Variants in TRIM29 observed in about 807,000 individuals in gnomAD.
TRIM29 encodes the protein tripartite motif-containing protein 29.
Under a neutral mutation model 57.3 loss-of-function variants are expected in TRIM29, and 52 were observed. The observed-to-expected ratio is 0.91, with a 90% confidence interval of 0.73 to 1.14. The LOEUF (loss-of-function observed/expected upper bound fraction) is 1.14. Among genes scored for constraint, TRIM29 ranks in the 50% most tolerant of loss-of-function variants. TRIM29 has a pLI of 0.00. For synonymous variants in TRIM29, 319 were observed against 316.9 expected (o/e 1.01, Z -0.07); for missense variants, 753 against 774.6 (o/e 0.97, Z 0.33).
intron 6 of TRIM29, among the ~76,000 whole-genome samples, chr11:120,119,407 G>A (rs1863375020): frequency 6.6e-6 from 1 of 152,166 alleles, no homozygotes; most frequent in African/African-American, 2.4e-5. Context: ...ACCTGCCCCT[G>A]TGCAAAGCCC....
Position 120,137,838 on chromosome 11 carries a change from C to T in TRIM29, c.194G>A (p.Gly65Asp). ...ATTGCCCGCGAACAGGGCGCTCCTA[C>T]CTTCCCCTGGCTTCAGGGCGCTGCC... ...SLGSALKPGE[G>D]RSALFAGNEW... Residue 65 changes from glycine (G) to aspartate (D), a missense_variant, in exon 1 of 9, where the codon GGT (glycine) becomes GAT (aspartate). Gly to Asp is a moderately conservative substitution (Grantham distance 94). Transcript: ENST00000341846. This position sits in a 1 kb window ranked among gnomAD's most constrained non-coding sequence, Gnocchi z 6.2. 1 of 1,612,490 alleles carries T rather than the reference C, an allele frequency of 6.2e-7. No individual in the cohort carries two copies. Among genetic ancestry groups the T allele is most frequent in the Non-Finnish European group, 8.5e-7 (1 of 1,180,030 alleles).
At chr11:120,129,279 T>C (rs1863670080) in intron 1 of TRIM29, among the ~76,000 whole-genome samples, 1 of 152,152 alleles carries the variant, frequency 6.6e-6, no homozygotes, top group Non-Finnish European at 1.5e-5. Flanking sequence ...TGCCCTTCTC[T>C]GAAAAGCAGC....
At position 120,137,021 on chromosome 11, in the gene TRIM29, T is replaced by C. The variant is rs1379258453; in HGVS notation, c.804+207A>G. 6.6e-6 allele frequency among the ~76,000 whole-genome samples: 1 copy of C among 152,140 alleles called. No individual in the cohort carries two copies. The highest frequency in any genetic ancestry group is 1.5e-5 in the Non-Finnish European group (1 of 68,020). On this transcript the variant is annotated intron_variant, in intron 1 of 8. Coordinates refer to ENST00000341846, the MANE Select transcript of TRIM29 (RefSeq NM_012101.4). The surrounding 1 kb of genome is among the most constrained non-coding windows in gnomAD (Gnocchi z 6.2). ...GAAAATGTCCCTGTCTCCTGAGACC[T>C]TAGGGGATTGGGGAGCAACCTCTGA... is the stretch of plus-strand genomic sequence containing the variant.
intron 7 of TRIM29, 104 bp from the exon 8 acceptor site, chr11:120,115,518 C>G: frequency 1.0e-6 from 1 of 969,260 alleles, no homozygotes; most frequent in Non-Finnish European, 1.5e-6. Flanking sequence ...CACCAAGCAT[C>G]ATCCAGCCCA....
Position 120,137,240 on chromosome 11 carries a change from C to T in TRIM29, c.792G>A (p.Lys264=), listed in dbSNP as rs1863837473. 6.2e-7 allele frequency: 1 copy of T among 1,614,158 alleles called. No homozygotes were observed. ...NHSTVTVEEA[K]AEKETELSLQ... is the part of the protein sequence containing the mutation. The stretch of plus-strand genomic sequence containing the variant: ...CCCCAGCACTTACCTCCTTCTCGGC[C>T]TTGGCCTCCTCCACTGTCACGGTGC... Residue 264 remains lysine, a synonymous_variant, in exon 1 of 9, where the codon AAG becomes AAA. Coordinates refer to ENST00000341846, the MANE Select transcript of TRIM29 (RefSeq NM_012101.4). The surrounding 1 kb of genome is among the most constrained non-coding windows in gnomAD (Gnocchi z 6.2).
At chr11:120,123,633 C>T (rs1372226049) in intron 4 of TRIM29, among the ~76,000 whole-genome samples, 2 of 152,212 alleles carry the variant, frequency 1.3e-5, no homozygotes, top group Admixed American at 6.5e-5. Flanking sequence ...CTGCAGACCC[C>T]CTAACTCAAA....
chr11:120,123,293 G>A (rs748136550), intron 4 of TRIM29: 7 of 675,450 alleles, frequency 1.0e-5, no homozygotes, highest in Non-Finnish European at 1.6e-5. Context: ...CTAAGCCCTT[G>A]TAAATACGAT....
In TRIM29 at chr11:120,120,650, G is replaced by C; in HGVS notation, c.1451C>G (p.Ser484Ter). ...GCGGCCAGGAGACGAGGGCTGGTAT[G>C]ATGTCCGGACCCCACCTGTGAAGCA... ...YLTPKGGVRT[S>*]YQPSSPGRFT... Residue 484 changes from serine to a stop codon, truncating the protein, a stop_gained, in exon 6 of 9, where the codon TCA becomes TGA. Coordinates refer to ENST00000341846, the MANE Select transcript of TRIM29 (RefSeq NM_012101.4). LOFTEE classifies it high-confidence loss of function. 6.2e-7 allele frequency: 1 copy of C among 1,613,890 alleles called. No homozygotes were observed. Among genetic ancestry groups the C allele is most frequent in the East Asian group, 2.2e-5 (1 of 44,856 alleles).
chr11:120,136,528 G>A (rs144685106), intron 1 of TRIM29, among the ~76,000 whole-genome samples: 150 of 152,246 alleles, frequency 9.9e-4, no homozygotes, highest in Admixed American at 2.1e-3. Flanking sequence ...GCAGGAATAT[G>A]TGTGTCCACA....
chr11:120,136,506 C>A (rs774810064), intron 1 of TRIM29, among the ~76,000 whole-genome samples: 23 of 152,228 alleles, frequency 1.5e-4, no homozygotes, highest in Non-Finnish European at 5.9e-5. Context: ...ACTTCCCCAA[C>A]GGTGTCCGCC....
Position 120,112,232 on chromosome 11 carries a change from T to C in TRIM29, c.*182A>G, listed in dbSNP as rs1473480960. On this transcript the variant is annotated 3_prime_UTR_variant, in exon 9 of 9. Transcript: ENST00000341846. ...AGGCAGGAAAGGAGTCTGAATGGAG[T>C]GTGGCCAGTGGGGAAGTCGGAGAGG... 1.2e-5 allele frequency: 7 copies of C among 591,660 alleles called. No individual in the cohort carries two copies. Among genetic ancestry groups the C allele is most frequent in the South Asian group, 2.0e-5 (1 of 49,956 alleles). 36.7% of individuals were successfully genotyped at this position (591,660 alleles called of 1,614,324 possible). A position where few individuals can be genotyped will look rare whatever the true frequency, so the allele number is the denominator to read the frequency against.
intron 2 of TRIM29, 76 bp downstream of exon 2, chr11:120,128,324 G>A: frequency 7.5e-7 from 1 of 1,342,126 alleles, no homozygotes; most frequent in South Asian, 1.2e-5. Context: ...GACTCAAATG[G>A]GAGCCAAGGC....
Position 120,123,040 on chromosome 11 carries a change from T to G in TRIM29, c.1349A>C (p.Tyr450Ser), listed in dbSNP as rs757245141. The G allele has an allele frequency of 3.7e-6, 6 of 1,613,930 alleles. No homozygotes were observed. Among genetic ancestry groups the G allele is most frequent in the Non-Finnish European group, 5.1e-6 (6 of 1,179,984 alleles). The change falls in exon 5 of 9, where the codon TAT becomes TCT. Residue 450 changes from tyrosine (Y) to serine (S), a missense_variant. By Grantham distance (144) the Tyr-to-Ser change is moderately radical (BLOSUM62 -2). Coordinates refer to ENST00000341846, the MANE Select transcript of TRIM29 (RefSeq NM_012101.4). ...GAAGCTGTTCGTGTAGTTGTTCACA[T>G]AGCGATGGTCACCACCTAGGAAGCA... is the stretch of plus-strand genomic sequence containing the variant. ...NHMENGGDHR[Y>S]VNNYTNSFGG...
chr11:120,114,012 G>A (rs931488057), intron 8 of TRIM29, among the ~76,000 whole-genome samples: 1 of 152,104 alleles, frequency 6.6e-6, no homozygotes. Context: ...TGGGAAAACT[G>A]AGGCACAAAG....
At chr11:120,113,346 G>T (rs1290090066) in intron 8 of TRIM29, among the ~76,000 whole-genome samples, 1 of 152,102 alleles carries the variant, frequency 6.6e-6, no homozygotes, top group Non-Finnish European at 1.5e-5. Flanking sequence ...CTTCATCAGG[G>T]CCCTGAGGAG....
intron 8 of TRIM29, among the ~76,000 whole-genome samples, chr11:120,114,326 T>G (rs1247278307): frequency 6.6e-6 from 1 of 152,236 alleles, no homozygotes; most frequent in East Asian, 1.9e-4. Flanking sequence ...GCAGTCCTGC[T>G]GTTGCAATGC....
intron 7 of TRIM29, 130 bp from the exon 8 acceptor site, chr11:120,115,544 G>A (rs575117032): frequency 3.4e-4 from 264 of 775,638 alleles, no homozygotes; most frequent in Non-Finnish European, 4.2e-4. Flanking sequence ...AAATGCAGCC[G>A]TCTGAACACG....
intron 8 of TRIM29, among the ~76,000 whole-genome samples, chr11:120,112,898 T>C (rs1293288451): frequency 1.3e-5 from 2 of 152,204 alleles, no homozygotes; most frequent in African/African-American, 2.4e-5. Flanking sequence ...ATTAAATAGA[T>C]TACTATTATC....
At chr11:120,118,005 G>A (rs1307425045) in intron 7 of TRIM29, 33 of 577,556 alleles carry the variant, frequency 5.7e-5, no homozygotes, top group African/African-American at 3.8e-5. Flanking sequence ...ACTAGAGAGC[G>A]GTGAAACAAG....
Sources: allele counts gnomAD v4.1 joint callset (sites outside exome capture counted in the v4.1 genomes callset), GRCh38; gene constraint gnomAD v4.1.1; non-coding constraint Gnocchi (gnomAD v3.1); transcripts MANE v1.5; gene names NCBI Gene and HGNC (gene_info 2026-07-23, HGNC 2026-07-21).